The following PPA1 variants were observed in gnomAD, a reference collection of about 807,000 sequenced individuals.
PPA1 encodes the protein inorganic pyrophosphatase 1, also known as inorganic pyrophosphatase.
A neutral mutation model predicts 41.8 loss-of-function variants in PPA1; 23 were observed. That is an observed-to-expected ratio of 0.55 (90% CI 0.40 to 0.78). The LOEUF (loss-of-function observed/expected upper bound fraction) is 0.78. PPA1 is among the 30% of genes least tolerant of loss of function. The pLI is 0.00. For missense variants in PPA1, 320 were observed against 361.6 expected, an observed-to-expected ratio of 0.89 and a Z score of 0.93; for synonymous variants, 101 against 116.8, an observed-to-expected ratio of 0.86 and a Z score of 0.87.
chr10:70,227,885 C>G (rs919811207), intron 2 of PPA1, among the ~76,000 whole-genome samples: 1 of 151,972 alleles, frequency 6.6e-6, no homozygotes, highest in African/African-American at 2.4e-5. Flanking sequence ...TTCATGTAAA[C>G]TTAATCACAA....
rs541939504 is a variant in PPA1, at chr10:70,202,883, A to G, written c.*272T>C. 8.0e-5 allele frequency: 35 copies of G among 436,616 alleles called. 2 individuals are homozygous for G. The South Asian group carries it at 1.1e-3, about 13-fold the overall frequency. 27.0% of individuals were successfully genotyped at this position (436,616 alleles called of 1,614,324 possible). ...CTAACATATGGTAACATATACATCCAATATGTGCTCCCCTTGCACATCTAT... is the reference window on the plus strand; with the variant it reads ...CTAACATATGGTAACATATACATCCGATATGTGCTCCCCTTGCACATCTAT... On this transcript the variant is annotated 3_prime_UTR_variant, in exon 11 of 11. Coordinates refer to ENST00000373232, the MANE Select transcript of PPA1 (RefSeq NM_021129.4).
rs749066372 is a variant in PPA1 at position 70,206,342 on chromosome 10, T to C, written c.726-9A>G. 3.1e-6 allele frequency: 5 copies of C among 1,604,212 alleles called. No individual in the cohort carries two copies. In the South Asian group the frequency reaches 5.5e-5, roughly 18 times the overall value. On this transcript the variant is annotated splice_polypyrimidine_tract_variant and intron_variant, in intron 8 of 10. Transcript: ENST00000373232. ...ACAAAGTTGTATTCATGCTATTAAA[T>C]AAAACAAAAGTAGTCATAAGACAAA...
chr10:70,218,753 T>G lies in PPA1; in HGVS notation c.177+11A>C. On this transcript the variant is annotated intron_variant, in intron 3 of 10. Transcript: ENST00000373232. ...TCCTAAGTCTGACTCAAATGTAAGGTGAAATATTACCTCCATTTTTGCATT... is the reference window on the plus strand; with the variant it reads ...TCCTAAGTCTGACTCAAATGTAAGGGGAAATATTACCTCCATTTTTGCATT... The G allele has an allele frequency of 6.3e-7, 1 of 1,595,938 alleles. No homozygotes were observed. The highest frequency in any genetic ancestry group is 8.6e-7 in the Non-Finnish European group (1 of 1,163,948).
At chr10:70,230,465 AT>A (rs111837506) in intron 1 of PPA1, 66 bp from the exon 2 acceptor site, 35,227 of 1,265,386 alleles carry the variant, frequency 0.028, 708 homozygotes, top group East Asian at 0.14. Context: ...CACAGTACAC[AT>A]TTTTTTTTTC....
chr10:70,209,516 A>C (rs192990557), intron 7 of PPA1, 42 bp downstream of exon 7: 18 of 1,556,090 alleles, frequency 1.2e-5, no homozygotes, highest in Non-Finnish European at 1.6e-5. Flanking sequence ...ATGAGTCTCA[A>C]TACAAATGAG....
chr10:70,221,544 G>A (rs1373202203), intron 2 of PPA1, among the ~76,000 whole-genome samples: 1 of 152,082 alleles, frequency 6.6e-6, no homozygotes, highest in Non-Finnish European at 1.5e-5. Flanking sequence ...TATTAATCCT[G>A]GGTAGAAAAC....
intron 4 of PPA1, among the ~76,000 whole-genome samples, chr10:70,215,095 T>C (rs1427261445): frequency 6.6e-6 from 1 of 152,158 alleles, no homozygotes; most frequent in East Asian, 1.9e-4. Context: ...CTTGGGAGGC[T>C]GAGGCAGGAG....
At chr10:70,204,305 T>C (rs943850985) in intron 10 of PPA1, 2 of 152,200 alleles carry the variant, frequency 1.3e-5, no homozygotes, top group African/African-American at 4.8e-5. Flanking sequence ...GATGGGAGAA[T>C]CACTTTAACT....
At chr10:70,208,686 C>G (rs1272489010) in intron 8 of PPA1, among the ~76,000 whole-genome samples, 1 of 151,904 alleles carries the variant, frequency 6.6e-6, no homozygotes, top group African/African-American at 2.4e-5. Flanking sequence ...CTCCATTTTT[C>G]TTCTGTTTGT....
At chr10:70,233,158 C>T (rs1055394296) in intron 1 of PPA1, 106 bp downstream of exon 1, 8 of 1,251,382 alleles carry the variant, frequency 6.4e-6, no homozygotes, top group Non-Finnish European at 8.5e-6. Flanking sequence ...GACGGGCCCG[C>T]GTCGGAGACC....
intron 2 of PPA1, among the ~76,000 whole-genome samples, chr10:70,224,565 C>G (rs1215458275): frequency 6.6e-6 from 1 of 152,120 alleles, no homozygotes; most frequent in Non-Finnish European, 1.5e-5. Flanking sequence ...AGTAGTCTGA[C>G]AAGTTGTTTA....
At chr10:70,216,380 A>T (rs1840081413) in intron 4 of PPA1, among the ~76,000 whole-genome samples, 1 of 152,070 alleles carries the variant, frequency 6.6e-6, no homozygotes, top group South Asian at 2.1e-4. Flanking sequence ...CCAGCTACAC[A>T]AGAGGCTGAG....
chr10:70,226,357 T>G (rs925778907), intron 2 of PPA1, among the ~76,000 whole-genome samples: 1 of 152,060 alleles, frequency 6.6e-6, no homozygotes, highest in Non-Finnish European at 1.5e-5. Flanking sequence ...GTGGACTGTT[T>G]GAGCTCAGGA....
At chr10:70,224,780 G>C (rs553959110) in intron 2 of PPA1, among the ~76,000 whole-genome samples, 99 of 151,716 alleles carry the variant, frequency 6.5e-4, no homozygotes, top group African/African-American at 2.3e-3. Context: ...ACCCAGGCTG[G>C]AGCACAATGG....
chr10:70,209,071 G>A (rs1839983281), intron 8 of PPA1, 134 bp downstream of exon 8: 2 of 585,122 alleles, frequency 3.4e-6, no homozygotes, highest in Non-Finnish European at 5.7e-6. Flanking sequence ...TGGAATGACA[G>A]GTGTGAGCCA....
In PPA1 at chr10:70,220,212, A is replaced by T. The variant is rs561176373; in HGVS notation, c.124-1395T>A. Among the ~76,000 whole-genome samples, 39 of 150,486 alleles carry T rather than the reference A, an allele frequency of 2.6e-4. No individual in the cohort carries two copies. In the East Asian group the frequency reaches 7.2e-3, roughly 28 times the overall value. ...CCCAAAGTGCTGGGATTACAGGTGT[A>T]AGCCACCGCACCTGGCCTGCAATTA... On this transcript the variant is annotated intron_variant, in intron 2 of 10. Coordinates refer to ENST00000373232, the MANE Select transcript of PPA1 (RefSeq NM_021129.4).
chr10:70,230,042 G>C (rs1319762588), intron 2 of PPA1, among the ~76,000 whole-genome samples: 1 of 152,126 alleles, frequency 6.6e-6, no homozygotes, highest in Non-Finnish European at 1.5e-5. Context: ...CCAAGTAGCT[G>C]AGACTACAGA....
intron 8 of PPA1, among the ~76,000 whole-genome samples, chr10:70,207,546 G>A (rs1242662676): frequency 1.3e-5 from 2 of 152,068 alleles, no homozygotes; most frequent in Non-Finnish European, 1.5e-5. Flanking sequence ...ATGCGTGCCT[G>A]TAGTACCCAG....
chr10:70,211,703 A>G (rs1292788908), intron 6 of PPA1, among the ~76,000 whole-genome samples: 1 of 152,098 alleles, frequency 6.6e-6, no homozygotes, highest in Non-Finnish European at 1.5e-5. Context: ...CCTGAACTGC[A>G]GGAAAATAAA....
Sources: gnomAD v4.1 joint callset for allele counts (sites outside exome capture counted in the v4.1 genomes callset) on GRCh38, gnomAD v4.1.1 for gene constraint, MANE v1.5 for transcripts, NCBI Gene and HGNC (gene_info 2026-07-23, HGNC 2026-07-21) for gene names.